SCARA3: variants seen among roughly 807,000 people sequenced by gnomAD.
SCARA3 encodes scavenger receptor class A member 3, also known as cellular stress response gene protein.
In SCARA3, 39 loss-of-function variants were observed where a neutral mutation model predicts 47.0. The ratio of observed to expected loss-of-function variants is 0.83; its 90% CI spans 0.64 to 1.08. The LOEUF (loss-of-function observed/expected upper bound fraction) is 1.08, where lower values mean the gene tolerates loss of function less well. Ranked by LOEUF, SCARA3 falls within the 50% of genes least tolerant of loss-of-function variation. The pLI is 0.00. For synonymous variants in SCARA3, 356 were observed against 334.1 expected (o/e 1.07, Z -0.71); for missense variants, 724 against 792.3 (o/e 0.91, Z 1.04).
intron 5 of SCARA3, 70 bp from the exon 6 acceptor site, chr8:27,670,830 T>C: frequency 2.2e-6 from 3 of 1,343,470 alleles, no homozygotes; most frequent in Non-Finnish European, 3.0e-6. Flanking sequence ...GTGCCCGCTC[T>C]GCTCATGGGC....
intron 3 of SCARA3, among the ~76,000 whole-genome samples, chr8:27,652,492 C>T (rs1251255569): frequency 6.6e-6 from 1 of 152,150 alleles, no homozygotes; most frequent in African/African-American, 2.4e-5. Context: ...GAGAGGCAGT[C>T]GAGGCTCCGA....
intron 5 of SCARA3, among the ~76,000 whole-genome samples, chr8:27,660,247 C>A (rs1022228764): frequency 6.6e-6 from 1 of 151,392 alleles, no homozygotes; most frequent in Non-Finnish European, 1.5e-5. Flanking sequence ...GAAACAGAAT[C>A]AATAGTGTAT....
the SCARA3 span, among the ~76,000 whole-genome samples, chr8:27,688,366 A>G: frequency 6.6e-6 from 1 of 151,836 alleles, no homozygotes; most frequent in Non-Finnish European, 1.5e-5. Flanking sequence ...ACAGATAAAT[A>G]TAAAGAAAAA....
chr8:27,635,665 AG>A (rs1361985642), intron 1 of SCARA3, among the ~76,000 whole-genome samples: 9 of 150,056 alleles, frequency 6.0e-5, no homozygotes, highest in African/African-American at 2.0e-4. Context: ...TATATTGCCC[AG>A]GTTGGTCTAT....
chr8:27,733,149 G>A, the SCARA3 span, among the ~76,000 whole-genome samples: 1 of 152,086 alleles, frequency 6.6e-6, no homozygotes, highest in East Asian at 1.9e-4. Flanking sequence ...CCTTTACTAG[G>A]ATTTGCTCCT....
At chr8:27,704,556 A>T in the SCARA3 span, among the ~76,000 whole-genome samples, 3 of 152,154 alleles carry the variant, frequency 2.0e-5, no homozygotes, top group Non-Finnish European at 4.4e-5. Context: ...TAAATATCAA[A>T]GTATCAGTCA....
At chr8:27,656,972 C>T in intron 4 of SCARA3, 92 bp downstream of exon 4, 1 of 778,340 alleles carries the variant, frequency 1.3e-6, no homozygotes. Flanking sequence ...CACCAAGCAA[C>T]CTTCACCAGC....
chr8:27,655,226 A>G (rs1801718302), intron 3 of SCARA3, among the ~76,000 whole-genome samples: 1 of 152,164 alleles, frequency 6.6e-6, no homozygotes, highest in South Asian at 2.1e-4. Flanking sequence ...AACTGAGCTC[A>G]AGAAAGGGTA....
intron 5 of SCARA3, among the ~76,000 whole-genome samples, chr8:27,670,116 G>A (rs74334940): frequency 6.6e-6 from 1 of 152,168 alleles, no homozygotes; most frequent in East Asian, 1.9e-4. Flanking sequence ...CCCTCATGCA[G>A]AGCCAGACTC....
chr8:27,694,234 G>A, the SCARA3 span, among the ~76,000 whole-genome samples: 59 of 152,256 alleles, frequency 3.9e-4, no homozygotes, highest in Admixed American at 1.2e-3. Context: ...GAATAATGAG[G>A]ATTAAATCAG....
the SCARA3 span, among the ~76,000 whole-genome samples, chr8:27,716,725 C>T: frequency 3.9e-5 from 6 of 152,158 alleles, no homozygotes; most frequent in African/African-American, 7.2e-5. Context: ...AAAACTAGTA[C>T]GTGAAAGTGG....
In SCARA3 at chr8:27,658,034, G is replaced by A. The variant is rs146110580; in HGVS notation, c.326-462G>A. On this transcript the variant is annotated intron_variant, in intron 4 of 5. Coordinates refer to ENST00000301904, the MANE Select transcript of SCARA3 (RefSeq NM_016240.3). ...AGGGTTTAGAGTGGTCTTATCTGAC[G>A]CAAATAGAAGGTTCTGGTCTGGCAC... 2.7e-4 allele frequency among the ~76,000 whole-genome samples: 41 copies of A among 152,274 alleles called. 1 individual carries two copies. Among genetic ancestry groups the A allele is most frequent in the African/African-American group, 9.6e-4 (40 of 41,558 alleles).
At chr8:27,716,649 T>G in the SCARA3 span, among the ~76,000 whole-genome samples, 3,897 of 152,232 alleles carry the variant, frequency 0.026, 80 homozygotes, top group Non-Finnish European at 0.037. Flanking sequence ...ATGGTAAAGT[T>G]AAAAAGACAT....
At chr8:27,667,549 ATTGG>A (rs1802042894) in intron 5 of SCARA3, among the ~76,000 whole-genome samples, 1 of 152,146 alleles carries the variant, frequency 6.6e-6, no homozygotes, top group Non-Finnish European at 1.5e-5. Context: ...TCGGGTCTGG[ATTGG>A]AATCCTGACG....
the SCARA3 span, among the ~76,000 whole-genome samples, chr8:27,709,822 C>T: frequency 1.3e-5 from 2 of 152,206 alleles, no homozygotes; most frequent in Admixed American, 6.5e-5. Context: ...ACTATCCCCA[C>T]TTCCTTTCCC....
chr8:27,655,508 G>A (rs1801724269), intron 3 of SCARA3, among the ~76,000 whole-genome samples: 1 of 152,176 alleles, frequency 6.6e-6, no homozygotes, highest in Admixed American at 6.5e-5. Context: ...GTGCAAGGCT[G>A]CCCGTGGGGT....
At chr8:27,651,753 C>G in intron 3 of SCARA3, 126 bp downstream of exon 3, 1 of 1,313,676 alleles carries the variant, frequency 7.6e-7, no homozygotes, top group South Asian at 1.4e-5. Flanking sequence ...CAGCATCTTC[C>G]TGGCTAGGGG....
At chr8:27,692,591 G>T in the SCARA3 span, among the ~76,000 whole-genome samples, 1 of 152,108 alleles carries the variant, frequency 6.6e-6, no homozygotes, top group Non-Finnish European at 1.5e-5. Context: ...TCTACATTCT[G>T]TAGAGAATCT....
the SCARA3 span, among the ~76,000 whole-genome samples, chr8:27,683,430 T>C: frequency 2.0e-5 from 3 of 152,174 alleles, no homozygotes; most frequent in Non-Finnish European, 2.9e-5. Flanking sequence ...GCCTTTTTTG[T>C]ATATAAACTA....
Sources: allele counts gnomAD v4.1 joint callset (sites outside exome capture counted in the v4.1 genomes callset), GRCh38; gene constraint gnomAD v4.1.1; transcripts MANE v1.5; gene names NCBI Gene and HGNC (gene_info 2026-07-23, HGNC 2026-07-21).